Variants in NRG1 observed in about 807,000 individuals in gnomAD.
The protein encoded by NRG1 is pro-neuregulin-1, membrane-bound isoform.
NRG1 carries 18 observed loss-of-function variants against 63.8 expected under a neutral mutation model. The ratio of observed to expected loss-of-function variants is 0.28; its 90% CI spans 0.19 to 0.42. The LOEUF is 0.42. Among genes scored for constraint, NRG1 ranks in the 10% least tolerant of loss-of-function variants. The pLI is 1.00. For missense variants in NRG1, 762 were observed against 814.7 expected, an observed-to-expected ratio of 0.94 and a Z score of 0.79; for synonymous variants, 302 against 301.3, an observed-to-expected ratio of 1.00 and a Z score of -0.02.
chr8:32,243,008 G>T (rs960946093), intron 1 of NRG1, among the ~76,000 whole-genome samples: 4 of 152,084 alleles, frequency 2.6e-5, no homozygotes, highest in Non-Finnish European at 4.4e-5. Context: ...GGCTGCAAGG[G>T]AAAGATTGTT....
chr8:32,077,733 A>C (rs1826809369), intron 1 of NRG1, among the ~76,000 whole-genome samples: 1 of 152,210 alleles, frequency 6.6e-6, no homozygotes, highest in South Asian at 2.1e-4. Context: ...TACAGGTGCT[A>C]TACGGGATGA....
chr8:32,381,455 A>G (rs1810333646), intron 1 of NRG1, among the ~76,000 whole-genome samples: 1 of 152,194 alleles, frequency 6.6e-6, no homozygotes, highest in African/African-American at 2.4e-5. Flanking sequence ...GTTCAATGGG[A>G]CATCCTCAAC....
chr8:31,684,765 C>T (rs1047656547), intron 1 of NRG1, among the ~76,000 whole-genome samples: 1 of 151,888 alleles, frequency 6.6e-6, no homozygotes, highest in Admixed American at 6.6e-5. Context: ...GTTTTACCAG[C>T]TCTGTATTTA....
intron 1 of NRG1, among the ~76,000 whole-genome samples, chr8:32,289,658 A>T (rs1853960271): frequency 6.6e-6 from 1 of 152,184 alleles, no homozygotes; most frequent in Admixed American, 6.5e-5. Context: ...TTAAACACTT[A>T]AAGCTTGATT....
intron 1 of NRG1, among the ~76,000 whole-genome samples, chr8:32,526,308 C>T (rs1830835746): frequency 6.6e-6 from 1 of 152,164 alleles, no homozygotes; most frequent in Non-Finnish European, 1.5e-5. Flanking sequence ...GGCCAGAGGT[C>T]ACCCTCATCC....
intron 6 of NRG1, chr8:32,728,568 A>T (rs1822847447): frequency 1.0e-6 from 1 of 984,778 alleles, no homozygotes; most frequent in East Asian, 1.1e-4. Context: ...GGATTGTCTT[A>T]CTGTTGCATA....
At chr8:31,866,550 C>G (rs74359947) in intron 1 of NRG1, among the ~76,000 whole-genome samples, 1,823 of 152,232 alleles carry the variant, frequency 0.012, 42 homozygotes, top group African/African-American at 0.042. Context: ...AGTCCAAATG[C>G]TATTTATTTC....
At chr8:32,347,938 G>A (rs1206700353) in intron 1 of NRG1, among the ~76,000 whole-genome samples, 1 of 152,160 alleles carries the variant, frequency 6.6e-6, no homozygotes, top group Non-Finnish European at 1.5e-5. Context: ...AAGGCCACGG[G>A]CACTCTCACT....
intron 1 of NRG1, among the ~76,000 whole-genome samples, chr8:31,685,269 G>C (rs943306038): frequency 6.6e-6 from 1 of 152,080 alleles, no homozygotes. Flanking sequence ...ATATTAAGAA[G>C]AAATCTGTCC....
At chr8:32,044,418 A>G (rs1019365786) in intron 1 of NRG1, among the ~76,000 whole-genome samples, 11 of 151,986 alleles carry the variant, frequency 7.2e-5, no homozygotes, top group African/African-American at 2.6e-4. Flanking sequence ...ATATGCCTTG[A>G]TATAGAAAAG....
At chr8:32,307,130 A>G (rs1350469591) in intron 1 of NRG1, among the ~76,000 whole-genome samples, 2 of 152,130 alleles carry the variant, frequency 1.3e-5, no homozygotes, top group African/African-American at 4.8e-5. Context: ...ACTTCCCCTT[A>G]TGGAATCCAT....
intron 1 of NRG1, among the ~76,000 whole-genome samples, chr8:32,387,941 A>G (rs1050632923): frequency 9.9e-5 from 15 of 152,178 alleles, no homozygotes; most frequent in African/African-American, 3.4e-4. Flanking sequence ...TGGGATTAGG[A>G]AGCCGCCTGT....
chr8:32,377,917 G>T (rs1809831414), intron 1 of NRG1, among the ~76,000 whole-genome samples: 1 of 152,120 alleles, frequency 6.6e-6, no homozygotes, highest in African/African-American at 2.4e-5. Context: ...GTAATACCTA[G>T]AACAAACTCC....
intron 5 of NRG1, among the ~76,000 whole-genome samples, chr8:32,696,954 G>A (rs183403069): frequency 2.6e-5 from 4 of 152,212 alleles, no homozygotes; most frequent in Non-Finnish European, 4.4e-5. Flanking sequence ...GAGCCACCGC[G>A]CCTGGCCAAA....
At chr8:32,314,793 A>G (rs528867659) in intron 1 of NRG1, among the ~76,000 whole-genome samples, 12 of 152,064 alleles carry the variant, frequency 7.9e-5, no homozygotes, top group Non-Finnish European at 1.5e-4. Flanking sequence ...CCTTGTTTCC[A>G]TGTGCATTTC....
At chr8:32,433,742 G>T (rs1818451710) in intron 1 of NRG1, among the ~76,000 whole-genome samples, 1 of 152,036 alleles carries the variant, frequency 6.6e-6, no homozygotes, top group Non-Finnish European at 1.5e-5. Context: ...TTTCCTACTG[G>T]TATAAAATTT....
chr8:31,718,654 A>G (rs894623143), intron 1 of NRG1, among the ~76,000 whole-genome samples: 3 of 152,242 alleles, frequency 2.0e-5, no homozygotes, highest in South Asian at 2.1e-4. Flanking sequence ...CACTTTATAT[A>G]CAGAGATATA....
intron 1 of NRG1, among the ~76,000 whole-genome samples, chr8:32,004,960 T>G (rs928993894): frequency 1.3e-5 from 2 of 150,714 alleles, no homozygotes; most frequent in Non-Finnish European, 3.0e-5. Context: ...AAAAATAGGA[T>G]TTGAGAATAT....
chr8:32,233,536 A>AATATATATATATATATATATATAT (rs71541806), intron 1 of NRG1, among the ~76,000 whole-genome samples: 2 of 88,128 alleles, frequency 2.3e-5, no homozygotes, highest in African/African-American at 7.9e-5. Context: ...AACTCGAAAG[A>AATATATATATATATATATATATAT]ATATATATAT....
Sources: allele counts gnomAD v4.1 joint callset (sites outside exome capture counted in the v4.1 genomes callset), GRCh38; gene constraint gnomAD v4.1.1; transcripts MANE v1.5; gene names NCBI Gene and HGNC (gene_info 2026-07-23, HGNC 2026-07-21).